The following ENAH variants were observed in gnomAD, a reference collection of about 807,000 sequenced individuals.
ENAH encodes the protein protein enabled homolog.
A neutral mutation model predicts 78.7 loss-of-function variants in ENAH; 23 were observed. The ratio of observed to expected loss-of-function variants is 0.29; its 90% CI spans 0.21 to 0.41. The LOEUF (loss-of-function observed/expected upper bound fraction) is 0.41, where lower values mean the gene tolerates loss of function less well. Ranked by LOEUF, ENAH falls within the 10% of genes least tolerant of loss-of-function variation. The pLI, the probability that ENAH is intolerant of heterozygous loss-of-function variation, is 1.00. For missense variants in ENAH, 544 were observed against 691.0 expected, an observed-to-expected ratio of 0.79 and a Z score of 2.39; for synonymous variants, 226 against 241.0, an observed-to-expected ratio of 0.94 and a Z score of 0.58.
At chr1:225,607,287 G>C (rs1374609507) in intron 1 of ENAH, among the ~76,000 whole-genome samples, 1 of 152,138 alleles carries the variant, frequency 6.6e-6, no homozygotes, top group Non-Finnish European at 1.5e-5. Context: ...TTACGAATTT[G>C]TGTTGAGCCA....
chr1:225,639,909 G>A (rs1660731861), intron 1 of ENAH, among the ~76,000 whole-genome samples: 1 of 152,090 alleles, frequency 6.6e-6, no homozygotes, highest in South Asian at 2.1e-4. Context: ...AGTATGTGTG[G>A]AGTCTACCTT....
chr1:225,547,597 A>G (rs902728465), intron 3 of ENAH, among the ~76,000 whole-genome samples: 1 of 152,184 alleles, frequency 6.6e-6, no homozygotes, highest in African/African-American at 2.4e-5. Flanking sequence ...TTTCTGGAGT[A>G]CAGCTTTACT....
intron 1 of ENAH, among the ~76,000 whole-genome samples, chr1:225,612,913 A>C (rs904662013): frequency 1.3e-5 from 2 of 152,302 alleles, no homozygotes; most frequent in South Asian, 2.1e-4. Flanking sequence ...CGATACATTT[A>C]CAAAATTAAT....
chr1:225,556,374 C>A (rs1463741466), intron 2 of ENAH, among the ~76,000 whole-genome samples: 2 of 152,192 alleles, frequency 1.3e-5, no homozygotes, highest in Admixed American at 1.3e-4. Context: ...AACATTACAA[C>A]TGGTACTGTC....
Position 225,494,822 on chromosome 1 carries a change from C to G in ENAH, c.*2953G>C, listed in dbSNP as rs1349676027. On this transcript the variant is annotated 3_prime_UTR_variant, in exon 14 of 14. Coordinates refer to ENST00000366843, the MANE Select transcript of ENAH (RefSeq NM_018212.6). ...GTCACAAACAAGCAACATATATATA[C>G]TGCAATTTTATTTCAATCGCACAAA... 1.3e-5 allele frequency: 2 copies of G among 152,572 alleles called. No individual in the cohort carries two copies. Among genetic ancestry groups the G allele is most frequent in the African/African-American group, 4.8e-5 (2 of 41,422 alleles). 9.5% of individuals were successfully genotyped at this position (152,572 alleles called of 1,614,324 possible).
chr1:225,515,692 G>A (rs1476941612), intron 6 of ENAH, among the ~76,000 whole-genome samples: 1 of 152,200 alleles, frequency 6.6e-6, no homozygotes, highest in Non-Finnish European at 1.5e-5. Flanking sequence ...TTTAAGAGGG[G>A]TGTTTTCAGA....
chr1:225,573,762 T>C (rs1304670556), intron 1 of ENAH, among the ~76,000 whole-genome samples: 1 of 152,262 alleles, frequency 6.6e-6, no homozygotes, highest in Non-Finnish European at 1.5e-5. Flanking sequence ...CCTAGCATTT[T>C]AATGATACTC....
chr1:225,612,933 A>C (rs1160927818), intron 1 of ENAH, among the ~76,000 whole-genome samples: 2 of 152,206 alleles, frequency 1.3e-5, no homozygotes, highest in Non-Finnish European at 1.5e-5. Flanking sequence ...TTGTGTCAAC[A>C]CTAAAAATGT....
chr1:225,524,466 CACAGAT>C (rs1464575755), intron 4 of ENAH: 1 of 312,354 alleles, frequency 3.2e-6, no homozygotes, highest in Non-Finnish European at 4.7e-6. Flanking sequence ...AATAAAACTA[CACAGAT>C]ACAGTTTGAT....
intron 1 of ENAH, among the ~76,000 whole-genome samples, chr1:225,596,644 GAA>G (rs1279585972): frequency 6.6e-6 from 1 of 152,160 alleles, no homozygotes; most frequent in African/African-American, 2.4e-5. Flanking sequence ...TATTAAGCCT[GAA>G]AAGAGTGATT....
intron 1 of ENAH, among the ~76,000 whole-genome samples, chr1:225,578,925 C>T: frequency 6.6e-6 from 1 of 152,096 alleles, no homozygotes; most frequent in Non-Finnish European, 1.5e-5. Context: ...GTTACTGAGC[C>T]AGTGTTGATA....
At chr1:225,517,792 C>G in intron 5 of ENAH, 1 of 1,551,154 alleles carries the variant, frequency 6.4e-7, no homozygotes, top group Non-Finnish European at 8.7e-7. Flanking sequence ...TGTTGCAAAA[C>G]GTGTCGCTGA....
intron 3 of ENAH, among the ~76,000 whole-genome samples, chr1:225,552,199 C>T (rs1371506957): frequency 2.1e-5 from 3 of 144,332 alleles, no homozygotes; most frequent in African/African-American, 5.1e-5. Context: ...AGCAGTGGCA[C>T]GATCTCAGCT....
chr1:225,521,814 G>A (rs944749694), intron 4 of ENAH, among the ~76,000 whole-genome samples: 5 of 151,190 alleles, frequency 3.3e-5, no homozygotes, highest in East Asian at 3.9e-4. Context: ...TTTCTTCCCC[G>A]AGACAGAGTC....
intron 5 of ENAH, chr1:225,517,584 G>T: frequency 1.3e-6 from 2 of 1,551,358 alleles, no homozygotes; most frequent in Non-Finnish European, 1.7e-6. Flanking sequence ...CAGTAGCTTT[G>T]CCTGGGGGGC....
Position 225,645,191 on chromosome 1 carries a change from T to C in ENAH, c.5+7495A>G, listed in dbSNP as rs117797932. Among the ~76,000 whole-genome samples, 35 of 152,316 alleles carry C rather than the reference T, an allele frequency of 2.3e-4. 1 individual carries two copies. The East Asian group carries it at 6.6e-3, about 29-fold the overall frequency. On this transcript the variant is annotated intron_variant, in intron 1 of 13. Coordinates refer to ENST00000366843, the MANE Select transcript of ENAH (RefSeq NM_018212.6). ...AATTCAAAATATTAATCCAAAGTAA[T>C]AAAAATGTCAGAAACAACTCACGTA...
intron 3 of ENAH, chr1:225,531,168 T>C: frequency 2.5e-6 from 1 of 397,252 alleles, no homozygotes; most frequent in East Asian, 3.6e-5. Flanking sequence ...TTTTGTCTAA[T>C]AGCCTAGCAT....
At chr1:225,536,967 A>T (rs1295883161) in intron 3 of ENAH, among the ~76,000 whole-genome samples, 1 of 152,102 alleles carries the variant, frequency 6.6e-6, no homozygotes, top group Non-Finnish European at 1.5e-5. Context: ...TCCACAGGAG[A>T]TAAACAATTT....
At chr1:225,541,575 C>T (rs567935238) in intron 3 of ENAH, among the ~76,000 whole-genome samples, 3 of 152,262 alleles carry the variant, frequency 2.0e-5, no homozygotes, top group Non-Finnish European at 2.9e-5. Flanking sequence ...AAAGCTGTTA[C>T]GGAAAATAAC....
Sources: allele counts gnomAD v4.1 joint callset (sites outside exome capture counted in the v4.1 genomes callset), GRCh38; gene constraint gnomAD v4.1.1; transcripts MANE v1.5; gene names NCBI Gene and HGNC (gene_info 2026-07-23, HGNC 2026-07-21).